NME7: variants seen among roughly 807,000 people sequenced by gnomAD.
NME7 encodes NME/NM23 family member 7.
NME7 carries 41 observed loss-of-function variants against 49.1 expected under a neutral mutation model. The observed-to-expected ratio is 0.83, with a 90% CI of 0.65 to 1.08. The LOEUF (loss-of-function observed/expected upper bound fraction) is 1.08. Ranked by LOEUF, NME7 falls within the 50% of genes least tolerant of loss-of-function variation. The pLI is 0.00. For missense variants in NME7, 423 were observed against 463.4 expected (o/e 0.91, Z 0.80); for synonymous variants, 139 against 150.6 (o/e 0.92, Z 0.56).
intron 7 of NME7, among the ~76,000 whole-genome samples, chr1:169,282,337 C>A (rs1201415747): frequency 6.6e-6 from 1 of 152,132 alleles, no homozygotes; most frequent in African/African-American, 2.4e-5. Context: ...ATTCTTCTCT[C>A]TTTTCTTCTT....
At chr1:169,182,517 G>C (rs1359900114) in intron 10 of NME7, among the ~76,000 whole-genome samples, 1 of 152,142 alleles carries the variant, frequency 6.6e-6, no homozygotes, top group Non-Finnish European at 1.5e-5. Flanking sequence ...AAGTCACACA[G>C]ATTCTATTTC....
chr1:169,261,911 TCA>T (rs1311941716), intron 7 of NME7, among the ~76,000 whole-genome samples: 1 of 134,346 alleles, frequency 7.4e-6, no homozygotes, highest in Non-Finnish European at 1.8e-5. Context: ...CATCTTAGTG[TCA>T]CAATACTACT....
chr1:169,172,110 C>A (rs1365418792), intron 10 of NME7, among the ~76,000 whole-genome samples: 1 of 151,984 alleles, frequency 6.6e-6, no homozygotes, highest in African/African-American at 2.4e-5. Flanking sequence ...TGCTTAAGGC[C>A]CCATGCCCTT....
chr1:169,234,676 A>G (rs1647784194), intron 9 of NME7, among the ~76,000 whole-genome samples: 1 of 152,132 alleles, frequency 6.6e-6, no homozygotes, highest in South Asian at 2.1e-4. Flanking sequence ...CGATGGTCAT[A>G]TAACTAGAAG....
rs554500185 is a variant in NME7 at position 169,275,462 on chromosome 1, G to A, written c.754+11841C>T. ...CCACTGCACTCCAGCCTGGGCGACAGAGCGAAACTCCGTCTCAAAAAAAAA... is the reference window on the plus strand; with the variant it reads ...CCACTGCACTCCAGCCTGGGCGACAAAGCGAAACTCCGTCTCAAAAAAAAA... On this transcript the variant is annotated intron_variant, in intron 7 of 11. Coordinates refer to ENST00000367811, the MANE Select transcript of NME7 (RefSeq NM_013330.5). Among the ~76,000 whole-genome samples the A allele has an allele frequency of 1.4e-3, 120 of 86,086 alleles. 5 individuals are homozygous for A. Among genetic ancestry groups the A allele is most frequent in the African/African-American group, 4.7e-3 (117 of 24,818 alleles). 56.5% of individuals were successfully genotyped at this position (86,086 alleles called of 152,430 possible).
intron 10 of NME7, among the ~76,000 whole-genome samples, chr1:169,181,406 T>A (rs933196658): frequency 6.7e-6 from 1 of 148,198 alleles, no homozygotes; most frequent in East Asian, 2.0e-4. Flanking sequence ...CACACATATA[T>A]ACACACACAT....
intron 1 of NME7, among the ~76,000 whole-genome samples, chr1:169,364,121 C>A (rs181831598): frequency 6.6e-6 from 1 of 152,190 alleles, no homozygotes; most frequent in East Asian, 1.9e-4. Context: ...GACCACTTAG[C>A]GCATTCTTTC....
At chr1:169,136,321 T>G (rs182566151) in intron 11 of NME7, among the ~76,000 whole-genome samples, 13 of 152,292 alleles carry the variant, frequency 8.5e-5, no homozygotes, top group Admixed American at 2.0e-4. Flanking sequence ...GAGAATAGTA[T>G]AATAGTATAA....
At chr1:169,220,643 G>C (rs997269276) in intron 10 of NME7, among the ~76,000 whole-genome samples, 1 of 152,066 alleles carries the variant, frequency 6.6e-6, no homozygotes, top group Admixed American at 6.5e-5. Context: ...TCACTTCAAA[G>C]AAAATAAATT....
At chr1:169,258,836 A>G (rs1399869830) in intron 7 of NME7, among the ~76,000 whole-genome samples, 1 of 133,348 alleles carries the variant, frequency 7.5e-6, no homozygotes, top group African/African-American at 2.5e-5. Flanking sequence ...CCATGCAAAA[A>G]TATCTTTAGC....
At chr1:169,247,406 C>G (rs962458964) in intron 7 of NME7, among the ~76,000 whole-genome samples, 1 of 152,118 alleles carries the variant, frequency 6.6e-6, no homozygotes, top group African/African-American at 2.4e-5. Context: ...CCATTAGAAG[C>G]CAAATCCATG....
chr1:169,356,938 G>A (rs921421033), intron 1 of NME7, among the ~76,000 whole-genome samples: 3 of 152,156 alleles, frequency 2.0e-5, no homozygotes, highest in African/African-American at 7.2e-5. Flanking sequence ...AACTAATCTT[G>A]TTTTTAATTA....
intron 1 of NME7, among the ~76,000 whole-genome samples, chr1:169,337,255 G>C (rs1281140184): frequency 6.6e-6 from 1 of 152,220 alleles, no homozygotes; most frequent in East Asian, 1.9e-4. Flanking sequence ...GTGAGAAATC[G>C]AGCGCAGCGC....
chr1:169,314,554 G>C (rs1051905989), intron 3 of NME7, among the ~76,000 whole-genome samples: 1 of 152,032 alleles, frequency 6.6e-6, no homozygotes, highest in Non-Finnish European at 1.5e-5. Flanking sequence ...TTAAAGCCAA[G>C]TATATTAGTA....
intron 1 of NME7, among the ~76,000 whole-genome samples, chr1:169,352,315 G>A (rs553053856): frequency 6.6e-6 from 1 of 152,014 alleles, no homozygotes; most frequent in Non-Finnish European, 1.5e-5. Context: ...TCAACAGAAT[G>A]TAGAACAGAA....
chr1:169,245,617 G>A (rs1195206043), intron 7 of NME7, among the ~76,000 whole-genome samples: 1 of 152,146 alleles, frequency 6.6e-6, no homozygotes, highest in Non-Finnish European at 1.5e-5. Flanking sequence ...AAATAGACAT[G>A]TTTAATATTA....
chr1:169,319,885 T>C (rs985555582), intron 3 of NME7, among the ~76,000 whole-genome samples: 1 of 152,222 alleles, frequency 6.6e-6, no homozygotes, highest in Non-Finnish European at 1.5e-5. Flanking sequence ...TGTAAATATG[T>C]GGCTCAGTAC....
At chr1:169,193,938 G>A (rs1660302582) in intron 10 of NME7, among the ~76,000 whole-genome samples, 1 of 151,298 alleles carries the variant, frequency 6.6e-6, no homozygotes, top group African/African-American at 2.4e-5. Flanking sequence ...CCAAAGAGCA[G>A]TTAAAAAAAA....
chr1:169,234,206 T>C (rs1435177310), intron 9 of NME7, among the ~76,000 whole-genome samples: 1 of 152,196 alleles, frequency 6.6e-6, no homozygotes, highest in African/African-American at 2.4e-5. Flanking sequence ...CTGTTTCCTT[T>C]ACAGCCTTTT....
Sources: allele counts gnomAD v4.1 joint callset (sites outside exome capture counted in the v4.1 genomes callset), GRCh38; gene constraint gnomAD v4.1.1; transcripts MANE v1.5; gene names NCBI Gene and HGNC (gene_info 2026-07-23, HGNC 2026-07-21).